Variants in DNAJC6 observed in about 807,000 individuals in gnomAD.
DNAJC6 encodes auxilin.
Under a neutral mutation model 110.0 loss-of-function variants are expected in DNAJC6, and 34 were observed. That is an observed-to-expected ratio of 0.31 (90% CI 0.24 to 0.41). The LOEUF (loss-of-function observed/expected upper bound fraction) is 0.41. Among genes scored for constraint, DNAJC6 ranks in the 10% least tolerant of loss-of-function variants. The pLI, the probability that DNAJC6 is intolerant of heterozygous loss-of-function variation, is 1.00. For missense variants in DNAJC6, 1,031 were observed against 1,207.8 expected (o/e 0.85, Z 2.17); for synonymous variants, 406 against 437.2 (o/e 0.93, Z 0.89).
At chr1:65,376,124 A>T (rs972537871) in intron 4 of DNAJC6, among the ~76,000 whole-genome samples, 5 of 152,034 alleles carry the variant, frequency 3.3e-5, no homozygotes, top group Non-Finnish European at 5.9e-5. Flanking sequence ...GGTAGGTTGT[A>T]TGTGTCCAGG....
rs1163936222 is a variant in DNAJC6, at chr1:65,411,435, A to G, written c.2811+9A>G. ...TGGTGCACCCAGATAAAGTGGGTAT[A>G]ACCTGCCCTGTTGTGTAACTTGTCA... On this transcript the variant is annotated intron_variant, in intron 18 of 18. Coordinates refer to ENST00000371069, the MANE Select transcript of DNAJC6 (RefSeq NM_001256864.2). The G allele has an allele frequency of 6.2e-7, 1 of 1,611,130 alleles. No individual in the cohort carries two copies. The highest frequency in any genetic ancestry group is 2.2e-5 in the East Asian group (1 of 44,756).
upstream of DNAJC6, among the ~76,000 whole-genome samples, chr1:65,307,640 G>T (rs528122461): frequency 2.2e-4 from 34 of 152,168 alleles, no homozygotes; most frequent in Non-Finnish European, 1.5e-5. Flanking sequence ...ATGAACACTA[G>T]GTATTTACTG....
At chr1:65,311,609 G>T (rs749588750) in intron 1 of DNAJC6, among the ~76,000 whole-genome samples, 1 of 152,068 alleles carries the variant, frequency 6.6e-6, no homozygotes, top group Non-Finnish European at 1.5e-5. Flanking sequence ...TCCATCTTTT[G>T]ACTGGATGTA....
intron 1 of DNAJC6, among the ~76,000 whole-genome samples, chr1:65,292,152 G>A (rs1366502778): frequency 2.0e-5 from 3 of 152,010 alleles, no homozygotes; most frequent in African/African-American, 7.3e-5. Context: ...GAGTAGCTGG[G>A]ATTACAGGTG....
intron 1 of DNAJC6, among the ~76,000 whole-genome samples, chr1:65,289,483 T>C (rs12049587): frequency 0.057 from 8,606 of 152,250 alleles, 357 homozygotes; most frequent in East Asian, 0.16. Context: ...TGTGAGCCAC[T>C]GCACCAGGCC....
intron 8 of DNAJC6, 47 bp downstream of exon 8, chr1:65,386,976 A>G (rs1426272838): frequency 2.1e-6 from 3 of 1,451,442 alleles, no homozygotes; most frequent in Non-Finnish European, 2.9e-6. Flanking sequence ...TGAGTCTTCA[A>G]TAGGAGTATT....
chr1:65,392,386 C>A, intron 11 of DNAJC6, 45 bp from the exon 12 acceptor site: 1 of 1,499,326 alleles, frequency 6.7e-7, no homozygotes, highest in Non-Finnish European at 8.9e-7. Flanking sequence ...ACCAACAATG[C>A]TGTGGTCAGC....
At chr1:65,322,575 T>C (rs1645206587) in intron 1 of DNAJC6, among the ~76,000 whole-genome samples, 1 of 152,234 alleles carries the variant, frequency 6.6e-6, no homozygotes. Flanking sequence ...TCTTTGAGCA[T>C]ATATTTTTAT....
At chr1:65,353,964 C>T (rs1645516878) in intron 1 of DNAJC6, among the ~76,000 whole-genome samples, 1 of 152,102 alleles carries the variant, frequency 6.6e-6, no homozygotes, top group Non-Finnish European at 1.5e-5. Flanking sequence ...GTTTGGTCTT[C>T]CTTGCCATCT....
chr1:65,401,813 G>A lies in DNAJC6; in HGVS notation c.2160G>A (p.Ser720=), dbSNP rs752402466. 21 of 1,613,760 alleles carry A rather than the reference G, an allele frequency of 1.3e-5. No individual in the cohort carries two copies. The highest frequency in any genetic ancestry group is 2.2e-5 in the South Asian group (2 of 91,040). The part of the protein sequence containing the change: ...KSAATSPTGS[S]HGTPTHQSKP... ...CTGCCACCAGCCCAACCGGATCCTCGCATGGTACTCCCACCCATCAAAGCA... is the reference window on the plus strand; with the variant it reads ...CTGCCACCAGCCCAACCGGATCCTCACATGGTACTCCCACCCATCAAAGCA... Residue 720 remains serine (S), a synonymous_variant, in exon 15 of 19, where the codon TCG becomes TCA. Coordinates refer to ENST00000371069, the MANE Select transcript of DNAJC6 (RefSeq NM_001256864.2).
intron 7 of DNAJC6, 73 bp downstream of exon 7, chr1:65,385,979 C>A: frequency 3.7e-6 from 5 of 1,354,860 alleles, no homozygotes; most frequent in South Asian, 1.6e-5. Flanking sequence ...TGAGTTGAAT[C>A]ATATTCTTCC....
intron 5 of DNAJC6, among the ~76,000 whole-genome samples, chr1:65,382,917 T>C (rs1645837144): frequency 2.0e-5 from 3 of 152,114 alleles, no homozygotes; most frequent in Admixed American, 2.0e-4. Flanking sequence ...ATAGAAGGGA[T>C]TGAGTTTGTT....
At chr1:65,272,563 T>C (rs1364119913) in intron 1 of DNAJC6, among the ~76,000 whole-genome samples, 3 of 152,244 alleles carry the variant, frequency 2.0e-5, no homozygotes. Context: ...AGGAAGTATT[T>C]CCTATTTCTC....
At chr1:65,271,139 G>A (rs181930522) in intron 1 of DNAJC6, among the ~76,000 whole-genome samples, 159 of 149,296 alleles carry the variant, frequency 1.1e-3, no homozygotes, top group Non-Finnish European at 1.4e-3. Flanking sequence ...TTGACTTGAC[G>A]ATAACTGTAT....
intron 1 of DNAJC6, among the ~76,000 whole-genome samples, chr1:65,296,872 C>A (rs986689465): frequency 1.3e-5 from 2 of 152,102 alleles, no homozygotes; most frequent in Admixed American, 1.3e-4. Context: ...AGGAGTGAGC[C>A]ACCACGCCCA....
intron 1 of DNAJC6, among the ~76,000 whole-genome samples, chr1:65,301,346 C>G (rs1644976900): frequency 6.6e-6 from 1 of 152,130 alleles, no homozygotes; most frequent in South Asian, 2.1e-4. Context: ...AACAAACAAT[C>G]AATTCTGCAG....
chr1:65,383,140 C>G (rs1645839359), intron 5 of DNAJC6, among the ~76,000 whole-genome samples: 1 of 152,208 alleles, frequency 6.6e-6, no homozygotes, highest in Non-Finnish European at 1.5e-5. Context: ...TATGAGTAAT[C>G]TCCCTGTCAC....
intron 1 of DNAJC6, among the ~76,000 whole-genome samples, chr1:65,363,686 T>C (rs1645618874): frequency 6.6e-6 from 1 of 151,968 alleles, no homozygotes; most frequent in African/African-American, 2.4e-5. Context: ...ATCTAGTGAA[T>C]AGAGGCCAGG....
chr1:65,280,920 T>G (rs1570210054), intron 1 of DNAJC6, among the ~76,000 whole-genome samples: 1 of 152,224 alleles, frequency 6.6e-6, no homozygotes, highest in South Asian at 2.1e-4. Context: ...CTAAAAAAAA[T>G]TAAGTTTCAC....
Sources: allele counts gnomAD v4.1 joint callset (sites outside exome capture counted in the v4.1 genomes callset), GRCh38; gene constraint gnomAD v4.1.1; transcripts MANE v1.5; gene names NCBI Gene and HGNC (gene_info 2026-07-23, HGNC 2026-07-21).